Variants in IKZF2 observed in about 807,000 individuals in gnomAD.
IKZF2 encodes the protein IKAROS family zinc finger 2.
A neutral mutation model predicts 49.2 loss-of-function variants in IKZF2; 15 were observed. The ratio of observed to expected loss-of-function variants is 0.30; its 90% CI spans 0.20 to 0.47. The LOEUF (loss-of-function observed/expected upper bound fraction) is 0.47. Among genes scored for constraint, IKZF2 ranks in the 20% least tolerant of loss-of-function variants. The pLI is 1.00. For synonymous variants in IKZF2, 227 were observed against 221.4 expected, an observed-to-expected ratio of 1.03 and a Z score of -0.23; for missense variants, 567 against 664.6, an observed-to-expected ratio of 0.85 and a Z score of 1.61.
intron 4 of IKZF2, among the ~76,000 whole-genome samples, chr2:213,094,961 G>A (rs1475304697): frequency 6.6e-6 from 1 of 152,054 alleles, no homozygotes; most frequent in African/African-American, 2.4e-5. Flanking sequence ...AGGTATTTTG[G>A]AAACAGAATA....
At chr2:213,098,441 C>T (rs930655535) in intron 4 of IKZF2, among the ~76,000 whole-genome samples, 4 of 147,404 alleles carry the variant, frequency 2.7e-5, no homozygotes, top group Non-Finnish European at 5.9e-5. Flanking sequence ...CAACCTTACA[C>T]AAAATGATGG....
intron 4 of IKZF2, among the ~76,000 whole-genome samples, chr2:213,131,675 G>A (rs1021277786): frequency 6.6e-6 from 1 of 152,168 alleles, no homozygotes; most frequent in Non-Finnish European, 1.5e-5. Flanking sequence ...TTGAATGAGT[G>A]TTGAGAAAAG....
At position 213,002,399 on chromosome 2, in the gene IKZF2, C is replaced by G. The variant is rs1694984623; in HGVS notation, c.*4961G>C. 2 of 151,424 alleles carry G rather than the reference C, an allele frequency of 1.3e-5. No homozygotes were observed. Among genetic ancestry groups the G allele is most frequent in the African/African-American group, 4.8e-5 (2 of 41,360 alleles). The allele number at this position is 151,424 out of a possible 1,614,324, so 9.4% of individuals were successfully genotyped here. On this transcript the variant is annotated 3_prime_UTR_variant, in exon 9 of 9. Coordinates refer to ENST00000434687, the MANE Select transcript of IKZF2 (RefSeq NM_001387220.1). Reference sequence around the variant, plus strand: ...CTAAAAAGCTAGAAATAGAATATTACATAAAAACCTTATGGAAATTCCAAA... The same window carrying G: ...CTAAAAAGCTAGAAATAGAATATTAGATAAAAACCTTATGGAAATTCCAAA...
chr2:213,149,240 T>C (rs1422192654), intron 2 of IKZF2, among the ~76,000 whole-genome samples: 1 of 152,174 alleles, frequency 6.6e-6, no homozygotes, highest in African/African-American at 2.4e-5. Context: ...ACCTGTTCAA[T>C]GTAACCTTAA....
At chr2:213,131,654 T>C (rs1332529437) in intron 4 of IKZF2, among the ~76,000 whole-genome samples, 1 of 152,166 alleles carries the variant, frequency 6.6e-6, no homozygotes, top group Non-Finnish European at 1.5e-5. Context: ...TTTAGTCCAA[T>C]GTAGTATTGT....
chr2:213,062,921 T>G (rs750986833), intron 4 of IKZF2, among the ~76,000 whole-genome samples: 3 of 152,008 alleles, frequency 2.0e-5, no homozygotes, highest in Non-Finnish European at 2.9e-5. Context: ...AAAACTGTGA[T>G]GTAAAGCCCA....
chr2:213,085,377 A>G (rs924316853), intron 4 of IKZF2, among the ~76,000 whole-genome samples: 2 of 152,192 alleles, frequency 1.3e-5, no homozygotes, highest in Non-Finnish European at 1.5e-5. Context: ...TAGGGTATAA[A>G]TGGCTTATAT....
At chr2:213,037,453 A>G (rs901280560) in intron 6 of IKZF2, among the ~76,000 whole-genome samples, 1 of 152,228 alleles carries the variant, frequency 6.6e-6, no homozygotes, top group African/African-American at 2.4e-5. Context: ...CGAAGAGTAG[A>G]TACATAATGG....
At chr2:213,044,559 A>G (rs546113443) in intron 6 of IKZF2, among the ~76,000 whole-genome samples, 8 of 152,326 alleles carry the variant, frequency 5.3e-5, no homozygotes, top group South Asian at 4.1e-4. Context: ...GTAGCATGGA[A>G]GGATGTACGA....
chr2:213,130,929 A>G (rs1412153888), intron 4 of IKZF2, among the ~76,000 whole-genome samples: 1 of 152,228 alleles, frequency 6.6e-6, no homozygotes, highest in Non-Finnish European at 1.5e-5. Context: ...CAAAGAGAAT[A>G]CATGGTATTC....
At chr2:213,014,700 C>G (rs1339908370) in intron 7 of IKZF2, 4 of 152,002 alleles carry the variant, frequency 2.6e-5, no homozygotes, top group East Asian at 1.9e-4. Context: ...ATCTGTTAGC[C>G]CTTAGACACT....
intron 4 of IKZF2, among the ~76,000 whole-genome samples, chr2:213,106,907 C>A (rs1479876346): frequency 2.0e-5 from 3 of 151,796 alleles, no homozygotes; most frequent in Non-Finnish European, 4.4e-5. Flanking sequence ...GAGCAAAAGT[C>A]AAAAAAATTT....
chr2:213,149,776 T>TCC (rs2061212392), intron 2 of IKZF2, among the ~76,000 whole-genome samples: 2 of 120,238 alleles, frequency 1.7e-5, no homozygotes, highest in African/African-American at 7.2e-5. Flanking sequence ...CACACTCCCT[T>TCC]ACCCCCCCCC....
At chr2:213,044,397 TGATA>T (rs758797461) in intron 6 of IKZF2, among the ~76,000 whole-genome samples, 1 of 152,210 alleles carries the variant, frequency 6.6e-6, no homozygotes, top group Non-Finnish European at 1.5e-5. Context: ...GGATCCTGAC[TGATA>T]AAGAGTTACT....
At chr2:213,129,231 A>G (rs1169578726) in intron 4 of IKZF2, among the ~76,000 whole-genome samples, 3 of 151,402 alleles carry the variant, frequency 2.0e-5, no homozygotes, top group African/African-American at 7.3e-5. Flanking sequence ...AGAGATAAAT[A>G]CACAAATTAA....
intron 4 of IKZF2, among the ~76,000 whole-genome samples, chr2:213,130,981 G>A (rs2060458603): frequency 6.6e-6 from 1 of 152,086 alleles, no homozygotes; most frequent in South Asian, 2.1e-4. Flanking sequence ...TGCAGCTATA[G>A]GAATGATTAC....
intron 7 of IKZF2, among the ~76,000 whole-genome samples, chr2:213,021,220 AT>A (rs1283899906): frequency 3.9e-5 from 6 of 152,008 alleles, no homozygotes; most frequent in African/African-American, 9.7e-5. Flanking sequence ...CTCAAAAAAA[AT>A]AAAATAAAAT....
chr2:213,025,884 A>G (rs1225136395), intron 6 of IKZF2, among the ~76,000 whole-genome samples: 1 of 151,876 alleles, frequency 6.6e-6, no homozygotes, highest in Admixed American at 6.6e-5. Flanking sequence ...TATATACTGG[A>G]CTCGTAAAAT....
chr2:213,128,803 T>C (rs1470057927), intron 4 of IKZF2, among the ~76,000 whole-genome samples: 1 of 117,656 alleles, frequency 8.5e-6, no homozygotes, highest in Non-Finnish European at 1.8e-5. Context: ...AATTTTTTTT[T>C]CTTTTTTTTT....
Sources: gnomAD v4.1 joint callset for allele counts (sites outside exome capture counted in the v4.1 genomes callset) on GRCh38, gnomAD v4.1.1 for gene constraint, MANE v1.5 for transcripts, NCBI Gene and HGNC (gene_info 2026-07-23, HGNC 2026-07-21) for gene names.